Variants in DCC observed in about 807,000 individuals in gnomAD.
The protein encoded by DCC is DCC netrin 1 receptor.
Under a neutral mutation model 172.5 loss-of-function variants are expected in DCC, and 58 were observed. The ratio of observed to expected loss-of-function variants is 0.34; its 90% confidence interval spans 0.27 to 0.42. DCC has a LOEUF of 0.42. Ranked by LOEUF, DCC falls within the 10% of genes least tolerant of loss-of-function variation. The pLI, the probability that DCC is intolerant of heterozygous loss-of-function variation, is 1.00. For synonymous variants in DCC, 709 were observed against 644.5 expected (o/e 1.10, Z -1.52); for missense variants, 1,740 against 1,791.0 (o/e 0.97, Z 0.51).
At chr18:53,497,673 C>A (rs2046041331) in intron 26 of DCC, among the ~76,000 whole-genome samples, 1 of 152,170 alleles carries the variant, frequency 6.6e-6, no homozygotes, top group Non-Finnish European at 1.5e-5. Flanking sequence ...TGTTTCTCTC[C>A]CCTTTACAGT....
At chr18:52,760,282 G>A (rs1018312373) in intron 2 of DCC, among the ~76,000 whole-genome samples, 2 of 152,182 alleles carry the variant, frequency 1.3e-5, no homozygotes, top group African/African-American at 2.4e-5. Flanking sequence ...CAGATCTCAT[G>A]AGAACTCACT....
At chr18:53,426,289 TATA>T (rs1277570506) in intron 21 of DCC, among the ~76,000 whole-genome samples, 4 of 122,132 alleles carry the variant, frequency 3.3e-5, no homozygotes, top group Admixed American at 8.6e-5. Flanking sequence ...ATTACATATT[TATA>T]ATATATATTT....
chr18:52,568,661 A>G (rs1286384881), intron 1 of DCC, among the ~76,000 whole-genome samples: 3 of 152,062 alleles, frequency 2.0e-5, no homozygotes, highest in Non-Finnish European at 4.4e-5. Flanking sequence ...TCATATGTTT[A>G]CTATATGTCA....
chr18:53,028,330 T>C (rs2041984327), intron 5 of DCC, among the ~76,000 whole-genome samples: 1 of 152,176 alleles, frequency 6.6e-6, no homozygotes, highest in Non-Finnish European at 1.5e-5. Flanking sequence ...CATTAAAAAT[T>C]GTATTTAATA....
chr18:52,609,328 G>A (rs370308988), intron 1 of DCC, among the ~76,000 whole-genome samples: 1 of 152,088 alleles, frequency 6.6e-6, no homozygotes, highest in East Asian at 1.9e-4. Flanking sequence ...ACAATTCTGT[G>A]TGTTCAGTAG....
At chr18:52,463,626 A>G (rs1175600089) in intron 1 of DCC, among the ~76,000 whole-genome samples, 1 of 152,208 alleles carries the variant, frequency 6.6e-6, no homozygotes, top group African/African-American at 2.4e-5. Flanking sequence ...ATTCAAACTC[A>G]GAGCCTTTGA....
intron 15 of DCC, among the ~76,000 whole-genome samples, chr18:53,372,115 T>C (rs2058064847): frequency 6.6e-6 from 1 of 152,132 alleles, no homozygotes; most frequent in Non-Finnish European, 1.5e-5. Flanking sequence ...TTACTGGAAA[T>C]ATACACAAAG....
chr18:52,913,395 A>C (rs556883038), intron 3 of DCC, among the ~76,000 whole-genome samples: 1 of 152,230 alleles, frequency 6.6e-6, no homozygotes, highest in African/African-American at 2.4e-5. Context: ...AACAAGGCTC[A>C]GGATTCCAAG....
rs182278088 is a variant in DCC, at chr18:52,366,328, C to T, written c.91+25450C>T. ...CAGTAGCAAGATTTATTGCAAAGAG[C>T]GAAAGAACAAAGCTTCCACAGTGTG... On this transcript the variant is annotated intron_variant, in intron 1 of 28. Coordinates refer to ENST00000442544, the MANE Select transcript of DCC (RefSeq NM_005215.4). Among the ~76,000 whole-genome samples the T allele has an allele frequency of 2.4e-3, 363 of 152,180 alleles. 2 individuals are homozygous for T. Among genetic ancestry groups the T allele is most frequent in the Non-Finnish European group, 3.7e-3 (252 of 68,012 alleles).
At chr18:53,090,695 CAACAAAAAAAAAAAAAAAAAA>C (rs2042990747) in intron 7 of DCC, among the ~76,000 whole-genome samples, 1 of 12,528 alleles carries the variant, frequency 8.0e-5, no homozygotes, top group East Asian at 9.0e-4. Context: ...CTCCGTCCCC[CAACAAAAAAAAAAAAAAAAAA>C]AAAAAAAAAA....
chr18:53,193,147 A>G (rs2055391302), intron 9 of DCC, among the ~76,000 whole-genome samples: 1 of 152,178 alleles, frequency 6.6e-6, no homozygotes, highest in South Asian at 2.1e-4. Flanking sequence ...CTGTCTGTGT[A>G]CAGTAGACAA....
chr18:52,823,515 G>A (rs558830259), intron 2 of DCC, among the ~76,000 whole-genome samples: 1 of 152,230 alleles, frequency 6.6e-6, no homozygotes, highest in African/African-American at 2.4e-5. Flanking sequence ...ATTTTCTTGA[G>A]TTGGGGAATA....
At chr18:53,251,868 A>G (rs2056439556) in intron 12 of DCC, among the ~76,000 whole-genome samples, 2 of 151,842 alleles carry the variant, frequency 1.3e-5, no homozygotes, top group South Asian at 4.1e-4. Context: ...CCATGTTTTC[A>G]CTTCCGTATA....
Position 53,403,074 on chromosome 18 carries a change from GCACACACACACACACACACACA to G in DCC, c.2935+205_2935+226del, listed in dbSNP as rs3059148. On this transcript the variant is annotated intron_variant, in intron 19 of 28. Coordinates refer to ENST00000442544, the MANE Select transcript of DCC (RefSeq NM_005215.4). ...TTGACCATGGAATTCTTCTAATGGT[GCACACACACACACACACACACA>G]CACACACACACACACACACACACGT... is the stretch of plus-strand genomic sequence containing the variant. Among the ~76,000 whole-genome samples the G allele has an allele frequency of 7.5e-5, 11 of 145,906 alleles. 1 individual carries two copies. The highest frequency in any genetic ancestry group is 7.0e-3 in the Middle Eastern group (2 of 284).
At chr18:52,495,607 G>A (rs982631695) in intron 1 of DCC, among the ~76,000 whole-genome samples, 2 of 152,014 alleles carry the variant, frequency 1.3e-5, no homozygotes, top group African/African-American at 4.8e-5. Flanking sequence ...TGCTATATAG[G>A]CTACTCCATC....
chr18:53,350,322 T>C (rs181375030), intron 15 of DCC, among the ~76,000 whole-genome samples: 66 of 152,288 alleles, frequency 4.3e-4, no homozygotes, highest in Admixed American at 1.7e-3. Context: ...GACTATACAA[T>C]TAAAACTTTT....
chr18:53,274,780 G>C (rs576947720), intron 12 of DCC, among the ~76,000 whole-genome samples: 2 of 152,106 alleles, frequency 1.3e-5, no homozygotes, highest in African/African-American at 2.4e-5. Flanking sequence ...ATTGATCGAA[G>C]TGTGGTCTCT....
chr18:53,095,225 A>G (rs1225858879), intron 7 of DCC, among the ~76,000 whole-genome samples: 2 of 152,170 alleles, frequency 1.3e-5, no homozygotes, highest in Non-Finnish European at 2.9e-5. Context: ...ATTTCAGGAA[A>G]CCTGCTTAAC....
At chr18:52,625,754 C>G (rs2034560875) in intron 1 of DCC, among the ~76,000 whole-genome samples, 1 of 152,160 alleles carries the variant, frequency 6.6e-6, no homozygotes, top group African/African-American at 2.4e-5. Context: ...CTCTGAGCCC[C>G]TCTGATCAGA....
Sources: allele counts gnomAD v4.1 joint callset (sites outside exome capture counted in the v4.1 genomes callset), GRCh38; gene constraint gnomAD v4.1.1; transcripts MANE v1.5; gene names NCBI Gene and HGNC (gene_info 2026-07-23, HGNC 2026-07-21).